TNIK: variants seen among roughly 807,000 people sequenced by gnomAD.
TNIK encodes the protein TRAF2 and NCK-interacting protein kinase.
Under a neutral mutation model 191.3 loss-of-function variants are expected in TNIK, and 49 were observed. The observed-to-expected ratio is 0.26, with a 90% CI of 0.20 to 0.32. The LOEUF (loss-of-function observed/expected upper bound fraction) is 0.32, where lower values mean the gene tolerates loss of function less well. Ranked by LOEUF, TNIK falls within the 10% of genes least tolerant of loss-of-function variation. The pLI is 1.00. For synonymous variants in TNIK, 594 were observed against 600.9 expected, an observed-to-expected ratio of 0.99 and a Z score of 0.17; for missense variants, 1,155 against 1,702.3, an observed-to-expected ratio of 0.68 and a Z score of 5.66.
At chr3:171,264,347 C>A (rs1049063023) in intron 2 of TNIK, among the ~76,000 whole-genome samples, 1 of 151,800 alleles carries the variant, frequency 6.6e-6, no homozygotes, top group Non-Finnish European at 1.5e-5. Flanking sequence ...CACACACACA[C>A]ACACATATAT....
intron 1 of TNIK, among the ~76,000 whole-genome samples, chr3:171,379,806 C>G (rs545201071): frequency 2.0e-5 from 3 of 152,030 alleles, no homozygotes; most frequent in Admixed American, 2.0e-4. Flanking sequence ...GTCAGGAGTT[C>G]GAGACCAGCC....
At chr3:171,066,136 T>C in intron 32 of TNIK, 51 bp downstream of exon 32, 2 of 1,602,626 alleles carry the variant, frequency 1.2e-6, no homozygotes, top group Admixed American at 1.7e-5. Flanking sequence ...CACAGGTACC[T>C]GGTGGTCTCT....
intron 19 of TNIK, 46 bp downstream of exon 19, chr3:171,110,668 T>A (rs1725705834): frequency 1.3e-6 from 2 of 1,528,422 alleles, no homozygotes; most frequent in African/African-American, 2.7e-5. Flanking sequence ...GTCCACAGCT[T>A]TCCTCCCAGG....
In TNIK at chr3:171,320,825, G is replaced by C. The variant is rs73030945; in HGVS notation, c.123+48795C>G. On this transcript the variant is annotated intron_variant, in intron 2 of 32. Coordinates refer to ENST00000436636, the MANE Select transcript of TNIK (RefSeq NM_015028.4). Reference sequence around the variant, plus strand: ...ATAGGCAAGCAAAGAGCACTGTAAAGAGGCTGTGTCTGAGAGAAAACACAT... The same window carrying C: ...ATAGGCAAGCAAAGAGCACTGTAAACAGGCTGTGTCTGAGAGAAAACACAT... Among the ~76,000 whole-genome samples the C allele has an allele frequency of 1.7e-3, 252 of 152,314 alleles. 1 individual carries two copies. Among genetic ancestry groups the C allele is most frequent in the African/African-American group, 5.8e-3 (243 of 41,576 alleles).
intron 1 of TNIK, among the ~76,000 whole-genome samples, chr3:171,413,246 C>T (rs555666590): frequency 2.0e-5 from 3 of 152,282 alleles, no homozygotes; most frequent in Admixed American, 6.5e-5. Context: ...CCTTCAGACA[C>T]GGCTCTGATT....
At chr3:171,329,619 A>G (rs1756194432) in intron 2 of TNIK, among the ~76,000 whole-genome samples, 1 of 152,242 alleles carries the variant, frequency 6.6e-6, no homozygotes, top group South Asian at 2.1e-4. Context: ...AAAGAAGTAG[A>G]TGGCAAAATA....
At chr3:171,435,933 T>A (rs1725976276) in intron 1 of TNIK, among the ~76,000 whole-genome samples, 2 of 152,158 alleles carry the variant, frequency 1.3e-5, no homozygotes, top group Non-Finnish European at 2.9e-5. Flanking sequence ...CATGAAGTGA[T>A]ATGGCTTGTT....
chr3:171,326,983 C>T (rs1017617940), intron 2 of TNIK, among the ~76,000 whole-genome samples: 1 of 152,108 alleles, frequency 6.6e-6, no homozygotes, highest in African/African-American at 2.4e-5. Flanking sequence ...CCCTGAAAAC[C>T]CCTGCTGCCA....
intron 2 of TNIK, among the ~76,000 whole-genome samples, chr3:171,231,326 T>G (rs965894335): frequency 2.9e-4 from 44 of 152,122 alleles, no homozygotes; most frequent in Admixed American, 1.9e-3. Flanking sequence ...TGTTTTTTTT[T>G]TTGTTTTTTT....
intron 22 of TNIK, among the ~76,000 whole-genome samples, chr3:171,097,862 T>C (rs1303447866): frequency 1.3e-5 from 2 of 152,138 alleles, no homozygotes; most frequent in African/African-American, 4.8e-5. Flanking sequence ...GGTGGAGGCA[T>C]GTCAGTCAAA....
chr3:171,360,259 T>A (rs1266782840), intron 2 of TNIK, among the ~76,000 whole-genome samples: 1 of 152,210 alleles, frequency 6.6e-6, no homozygotes, highest in Non-Finnish European at 1.5e-5. Context: ...TGTGTCTACA[T>A]CCTTCAACAC....
chr3:171,282,334 G>GTTTTTTTTTT lies in TNIK; in HGVS notation c.124-54114_124-54113insAAAAAAAAAA, dbSNP rs201489240. Among the ~76,000 whole-genome samples, 49 of 114,494 alleles carry GTTTTTTTTTT rather than the reference G, an allele frequency of 4.3e-4. 2 individuals carry two copies. Among genetic ancestry groups the GTTTTTTTTTT allele is most frequent in the South Asian group, 8.2e-4 (3 of 3,670 alleles). The allele number at this position is 114,494 out of a possible 152,430, so 75.1% of individuals were successfully genotyped here. ...GAACTATCTGCAGATTCTCTTAATG[G>GTTTTTTTTTT]TTTTTTGTTTTTTTTTTTTTTTTTG... On this transcript the variant is annotated intron_variant, in intron 2 of 32. Coordinates refer to ENST00000436636, the MANE Select transcript of TNIK (RefSeq NM_015028.4).
chr3:171,379,917 G>A (rs1335849904), intron 1 of TNIK, among the ~76,000 whole-genome samples: 2 of 152,086 alleles, frequency 1.3e-5, no homozygotes, highest in African/African-American at 4.8e-5. Context: ...GCTGAGGCAG[G>A]AGCATCGCTT....
chr3:171,417,548 T>C (rs946857435), intron 1 of TNIK, among the ~76,000 whole-genome samples: 4 of 152,128 alleles, frequency 2.6e-5, no homozygotes, highest in African/African-American at 9.7e-5. Flanking sequence ...TAAAAAAAAG[T>C]TAAAAATCAT....
At chr3:171,143,208 C>T (rs1731090813) in intron 12 of TNIK, among the ~76,000 whole-genome samples, 1 of 152,326 alleles carries the variant, frequency 6.6e-6, no homozygotes, top group East Asian at 1.9e-4. Flanking sequence ...GCTTTCCCAA[C>T]CTTCTGAGGG....
intron 10 of TNIK, among the ~76,000 whole-genome samples, 172 bp from the exon 11 acceptor site, chr3:171,161,508 C>A (rs1177270766): frequency 2.0e-5 from 3 of 152,242 alleles, no homozygotes; most frequent in African/African-American, 7.2e-5. Context: ...ATGAAATTAA[C>A]CACATTCAAG....
chr3:171,324,224 C>T (rs992263157), intron 2 of TNIK, among the ~76,000 whole-genome samples: 1 of 152,072 alleles, frequency 6.6e-6, no homozygotes, highest in African/African-American at 2.4e-5. Context: ...TTGGGTAAAG[C>T]TCTAGTAACT....
intron 2 of TNIK, among the ~76,000 whole-genome samples, chr3:171,333,580 GAAAGA>G (rs1278081966): frequency 6.4e-4 from 17 of 26,676 alleles, no homozygotes; most frequent in Non-Finnish European, 1.0e-3. Context: ...GTCTCAAAAA[GAAAGA>G]AAAAAAAAAA....
chr3:171,135,050 C>A (rs542394976), intron 15 of TNIK, among the ~76,000 whole-genome samples: 10 of 152,298 alleles, frequency 6.6e-5, no homozygotes, highest in African/African-American at 2.4e-4. Flanking sequence ...CCAGACCCTA[C>A]ACAACAGGAG....
Sources: gnomAD v4.1 joint callset for allele counts (sites outside exome capture counted in the v4.1 genomes callset) on GRCh38, gnomAD v4.1.1 for gene constraint, MANE v1.5 for transcripts, NCBI Gene and HGNC (gene_info 2026-07-23, HGNC 2026-07-21) for gene names.